Variants in MAF observed in about 807,000 individuals in gnomAD.
The protein encoded by MAF is transcription factor Maf.
Under a neutral mutation model 22.0 loss-of-function variants are expected in MAF, and 10 were observed. The ratio of observed to expected loss-of-function variants is 0.45; its 90% CI spans 0.28 to 0.77. The LOEUF is 0.77. MAF is among the 30% of genes least tolerant of loss of function. MAF has a pLI of 0.12. For synonymous variants in MAF, 337 were observed against 255.8 expected (o/e 1.32, Z -3.03); for missense variants, 544 against 548.4 (o/e 0.99, Z 0.08).
the MAF span, among the ~76,000 whole-genome samples, chr16:79,324,919 C>T: frequency 6.6e-6 from 1 of 152,070 alleles, no homozygotes; most frequent in Non-Finnish European, 1.5e-5. Flanking sequence ...CTGCTCTTGC[C>T]TCTTTGAGCT....
chr16:79,554,167 C>T, the MAF span, among the ~76,000 whole-genome samples: 31,279 of 152,042 alleles, frequency 0.21, 3,604 homozygotes, highest in Non-Finnish European at 0.26. Flanking sequence ...TTCTAAAGTG[C>T]TGTTCACTTA....
intron 1 of MAF, among the ~76,000 whole-genome samples, chr16:79,587,865 CA>C (rs1287443345): frequency 2.7e-5 from 2 of 72,994 alleles, no homozygotes; most frequent in East Asian, 3.8e-4. Context: ...CATTTACTTT[CA>C]AAAGGGGGGG....
At chr16:79,572,483 T>A in the MAF span, among the ~76,000 whole-genome samples, 14 of 152,240 alleles carry the variant, frequency 9.2e-5, 1 homozygote, top group African/African-American at 3.4e-4. Flanking sequence ...TTAACGCACA[T>A]ACGTCTCTTT....
the MAF span, among the ~76,000 whole-genome samples, chr16:79,384,149 A>T: frequency 0.073 from 11,122 of 151,926 alleles, 802 homozygotes; most frequent in African/African-American, 0.19. Flanking sequence ...GCATTGTTTT[A>T]AAAAAAAGTG....
the MAF span, among the ~76,000 whole-genome samples, chr16:79,436,544 T>A: frequency 6.6e-6 from 1 of 152,230 alleles, no homozygotes; most frequent in Non-Finnish European, 1.5e-5. Flanking sequence ...TGCTTTCTTC[T>A]CACTGCTGCT....
the MAF span, among the ~76,000 whole-genome samples, chr16:79,256,865 AACAC>A: frequency 6.6e-6 from 1 of 151,392 alleles, no homozygotes; most frequent in Non-Finnish European, 1.5e-5. Flanking sequence ...CACGCACACA[AACAC>A]ACACACAAAC....
the MAF span, among the ~76,000 whole-genome samples, chr16:79,450,114 C>T: frequency 1.3e-5 from 2 of 152,218 alleles, no homozygotes; most frequent in Admixed American, 1.3e-4. Context: ...TAACTTTTCA[C>T]TTACATCAGC....
At chr16:79,348,738 T>C in the MAF span, among the ~76,000 whole-genome samples, 1 of 152,246 alleles carries the variant, frequency 6.6e-6, no homozygotes, top group Non-Finnish European at 1.5e-5. Flanking sequence ...CACCTCCATC[T>C]GGAAATGACT....
chr16:79,219,439 T>G, the MAF span, among the ~76,000 whole-genome samples: 1 of 150,974 alleles, frequency 6.6e-6, no homozygotes, highest in Non-Finnish European at 1.5e-5. Flanking sequence ...TAGTCCCAGC[T>G]ACTCCGGAGG....
At chr16:79,573,851 T>G in the MAF span, among the ~76,000 whole-genome samples, 1 of 152,320 alleles carries the variant, frequency 6.6e-6, no homozygotes, top group South Asian at 2.1e-4. Flanking sequence ...TTTGAAAACC[T>G]AGAACAAAGT....
the MAF span, among the ~76,000 whole-genome samples, chr16:79,391,430 C>G: frequency 5.3e-5 from 8 of 152,150 alleles, no homozygotes; most frequent in East Asian, 1.9e-4. Context: ...ATTGACTCCA[C>G]GAGAAGTGCC....
the MAF span, among the ~76,000 whole-genome samples, chr16:79,428,443 C>A: frequency 3.9e-5 from 6 of 152,188 alleles, no homozygotes; most frequent in Non-Finnish European, 2.9e-5. Flanking sequence ...TCCTGTTGCT[C>A]CCTTGGAGTC....
chr16:79,244,666 C>T, the MAF span, among the ~76,000 whole-genome samples: 1 of 151,998 alleles, frequency 6.6e-6, no homozygotes, highest in Non-Finnish European at 1.5e-5. Context: ...AGATTCAGTG[C>T]TATCCCCATC....
At chr16:79,419,842 T>TTA in the MAF span, among the ~76,000 whole-genome samples, 1 of 152,118 alleles carries the variant, frequency 6.6e-6, no homozygotes, top group Non-Finnish European at 1.5e-5. Flanking sequence ...TGTTCATCCA[T>TTA]TAACCACCCT....
rs1486994049 is a variant in MAF, at chr16:79,599,462, G to A, written c.441C>T (p.Gly147=). The change falls in exon 1 of 2, where the codon GGC becomes GGT. Residue 147 remains glycine (G), a synonymous_variant. Transcript: ENST00000326043. ...QLAAAAGAGA[G]ASLGGSGEEM... is the part of the protein sequence containing the mutation. ...CCTCGCCGCTGCCGCCCAAGGAGGC[G>A]CCGGCACCGGCCCCGGCCGCCGCGG... The A allele has an allele frequency of 1.5e-6, 2 of 1,344,566 alleles. No individual in the cohort carries two copies. Among genetic ancestry groups the A allele is most frequent in the African/African-American group, 1.5e-5 (1 of 64,528 alleles). The allele number at this position is 1,344,566 out of a possible 1,614,324, so 83.3% of individuals were successfully genotyped here.
chr16:79,209,708 T>C, the MAF span, among the ~76,000 whole-genome samples: 1 of 152,216 alleles, frequency 6.6e-6, no homozygotes, highest in Non-Finnish European at 1.5e-5. Flanking sequence ...AATACTTGGC[T>C]TGAGTTAGCT....
At chr16:79,319,034 A>G in the MAF span, among the ~76,000 whole-genome samples, 2 of 151,922 alleles carry the variant, frequency 1.3e-5, no homozygotes, top group Non-Finnish European at 2.9e-5. Context: ...AAAACCGGAA[A>G]ATTCACTTCT....
the MAF span, among the ~76,000 whole-genome samples, chr16:79,525,785 A>G: frequency 2.0e-5 from 3 of 152,186 alleles, no homozygotes; most frequent in South Asian, 2.1e-4. Context: ...TCACAAAATC[A>G]TTATATTAAG....
the MAF span, among the ~76,000 whole-genome samples, chr16:79,502,811 T>TA: frequency 5.7e-3 from 816 of 142,028 alleles, 37 homozygotes; most frequent in Admixed American, 0.052. Context: ...GGATTAATTA[T>TA]AAAAAAAAAC....
Sources: allele counts gnomAD v4.1 joint callset (sites outside exome capture counted in the v4.1 genomes callset), GRCh38; gene constraint gnomAD v4.1.1; transcripts MANE v1.5; gene names NCBI Gene and HGNC (gene_info 2026-07-23, HGNC 2026-07-21).